ENOX1: variants seen among roughly 807,000 people sequenced by gnomAD.
ENOX1 encodes the protein candidate growth-related and time keeping constitutive hydroquinone (NADH) oxidase.
A neutral mutation model predicts 82.5 loss-of-function variants in ENOX1; 42 were observed. That is an observed-to-expected ratio of 0.51 (90% CI 0.40 to 0.66). ENOX1 has a LOEUF of 0.66. Ranked by LOEUF, ENOX1 falls within the 30% of genes least tolerant of loss-of-function variation. The pLI is 0.00. For synonymous variants in ENOX1, 271 were observed against 282.2 expected (o/e 0.96, Z 0.40); for missense variants, 608 against 811.6 (o/e 0.75, Z 3.05).
chr13:43,579,569 C>T (rs1050340336), intron 2 of ENOX1, among the ~76,000 whole-genome samples: 167 of 152,266 alleles, frequency 1.1e-3, no homozygotes, highest in Non-Finnish European at 2.1e-4. Context: ...TCCTGTTTAT[C>T]TTTCACTATC....
chr13:43,554,314 T>G lies in ENOX1; in HGVS notation c.-218-70162A>C, dbSNP rs17064710. Among the ~76,000 whole-genome samples, 387 of 152,344 alleles carry G rather than the reference T, an allele frequency of 2.5e-3. 1 individual carries two copies. Among genetic ancestry groups the G allele is most frequent in the African/African-American group, 8.9e-3 (372 of 41,590 alleles). On this transcript the variant is annotated intron_variant, in intron 2 of 16. Coordinates refer to ENST00000690772, the MANE Select transcript of ENOX1 (RefSeq NM_001347969.2). ...CCACATTAGGCACTTAACAGCAGTCTGGGCTAAAATCCTATTTCTGCCTAC... is the reference window on the plus strand; with the variant it reads ...CCACATTAGGCACTTAACAGCAGTCGGGGCTAAAATCCTATTTCTGCCTAC...
chr13:43,252,345 C>T (rs748034367), intron 14 of ENOX1, among the ~76,000 whole-genome samples: 6 of 152,248 alleles, frequency 3.9e-5, no homozygotes, highest in East Asian at 1.9e-4. Flanking sequence ...CCAAGCCTGG[C>T]GGAATGTCTT....
intron 2 of ENOX1, among the ~76,000 whole-genome samples, chr13:43,540,129 C>T (rs1400663755): frequency 2.0e-5 from 3 of 152,154 alleles, no homozygotes; most frequent in Non-Finnish European, 4.4e-5. Flanking sequence ...TGAAACATTA[C>T]ATCTATTGAC....
intron 1 of ENOX1, among the ~76,000 whole-genome samples, chr13:43,708,262 C>A (rs1037725277): frequency 1.1e-4 from 17 of 152,176 alleles, no homozygotes; most frequent in African/African-American, 4.1e-4. Context: ...GGGCATGCAG[C>A]CCCTCCCAAG....
intron 5 of ENOX1, among the ~76,000 whole-genome samples, chr13:43,375,982 G>A (rs548450812): frequency 2.1e-4 from 32 of 152,310 alleles, no homozygotes; most frequent in African/African-American, 7.0e-4. Flanking sequence ...GGTTATAAAG[G>A]ATAAATCTGT....
At chr13:43,275,701 T>C (rs1269463151) in intron 12 of ENOX1, among the ~76,000 whole-genome samples, 2 of 152,206 alleles carry the variant, frequency 1.3e-5, no homozygotes, top group African/African-American at 2.4e-5. Flanking sequence ...ATTCATTCCT[T>C]TAGTCAACAC....
At chr13:43,308,918 A>T (rs781391805) in intron 11 of ENOX1, among the ~76,000 whole-genome samples, 1 of 152,136 alleles carries the variant, frequency 6.6e-6, no homozygotes, top group Non-Finnish European at 1.5e-5. Context: ...GCCTCATGTC[A>T]TTGCTGAGAA....
At position 43,230,200 on chromosome 13, in the gene ENOX1, G is replaced by A. The variant is rs369962381; in HGVS notation, c.1715-6062C>T. On this transcript the variant is annotated intron_variant, in intron 15 of 16. Coordinates refer to ENST00000690772, the MANE Select transcript of ENOX1 (RefSeq NM_001347969.2). ...TTTCCAGATGTGAGTAGTCAACCACGTAAAGTAGCTGCCAGGTAGAGGGAG... is the reference window on the plus strand; with the variant it reads ...TTTCCAGATGTGAGTAGTCAACCACATAAAGTAGCTGCCAGGTAGAGGGAG... Among the ~76,000 whole-genome samples the A allele has an allele frequency of 1.5e-4, 23 of 152,288 alleles. No individual in the cohort carries two copies. In the East Asian group the frequency reaches 1.5e-3, roughly 10 times the overall value.
chr13:43,595,751 T>C (rs2081441691), intron 2 of ENOX1, among the ~76,000 whole-genome samples: 1 of 152,208 alleles, frequency 6.6e-6, no homozygotes, highest in Non-Finnish European at 1.5e-5. Context: ...ACAATTTCAC[T>C]TACTAAAAGA....
chr13:43,248,844 CAT>C (rs1452937506), intron 14 of ENOX1, among the ~76,000 whole-genome samples: 2 of 152,060 alleles, frequency 1.3e-5, no homozygotes, highest in African/African-American at 2.4e-5. Flanking sequence ...ATACATATAA[CAT>C]ATATATGTGT....
chr13:43,417,665 T>C (rs1463983865), intron 3 of ENOX1, among the ~76,000 whole-genome samples: 1 of 152,192 alleles, frequency 6.6e-6, no homozygotes, highest in Non-Finnish European at 1.5e-5. Context: ...CACAGAGATG[T>C]GGGGAGTTAA....
chr13:43,480,249 C>T (rs2058458271), intron 3 of ENOX1, among the ~76,000 whole-genome samples: 1 of 152,138 alleles, frequency 6.6e-6, no homozygotes, highest in South Asian at 2.1e-4. Context: ...GGTTACTAAA[C>T]ATTCTAAACA....
chr13:43,710,443 G>A (rs759492147), intron 1 of ENOX1, among the ~76,000 whole-genome samples: 1 of 152,142 alleles, frequency 6.6e-6, no homozygotes, highest in Non-Finnish European at 1.5e-5. Flanking sequence ...TACTAAGAAT[G>A]AGGGTAACTT....
intron 2 of ENOX1, among the ~76,000 whole-genome samples, chr13:43,580,061 C>A (rs999750522): frequency 1.3e-5 from 2 of 152,040 alleles, no homozygotes; most frequent in African/African-American, 4.8e-5. Flanking sequence ...AGAAGAGAGA[C>A]CTGAAAAATC....
At chr13:43,727,347 A>C (rs2089048227) in intron 1 of ENOX1, among the ~76,000 whole-genome samples, 2 of 152,206 alleles carry the variant, frequency 1.3e-5, no homozygotes, top group East Asian at 1.9e-4. Flanking sequence ...CTTTGCAAGG[A>C]TACCCCAAGT....
At chr13:43,606,739 G>A (rs2081989752) in intron 2 of ENOX1, among the ~76,000 whole-genome samples, 1 of 152,092 alleles carries the variant, frequency 6.6e-6, no homozygotes, top group South Asian at 2.1e-4. Flanking sequence ...TTGATGGCAG[G>A]GCATGGTGGC....
chr13:43,735,080 G>A (rs1438464810), intron 1 of ENOX1, among the ~76,000 whole-genome samples: 1 of 152,084 alleles, frequency 6.6e-6, no homozygotes, highest in Non-Finnish European at 1.5e-5. Context: ...TGTTTTGTTT[G>A]AAAGAAAAAC....
chr13:43,551,629 T>C (rs1252697429), intron 2 of ENOX1, among the ~76,000 whole-genome samples: 1 of 152,246 alleles, frequency 6.6e-6, no homozygotes, highest in African/African-American at 2.4e-5. Context: ...TTATTACATT[T>C]GATAATACGA....
rs933113178 is a variant in ENOX1, at chr13:43,440,101, G to A, written c.-74-27113C>T. On this transcript the variant is annotated intron_variant, in intron 3 of 16. Transcript: ENST00000690772. ...AAAATAGGGAATAAATATCTAAAAG[G>A]GTGAATTAGGCACAGAGGTGTAGCC... Among the ~76,000 whole-genome samples, 4 of 152,108 alleles carry A rather than the reference G, an allele frequency of 2.6e-5. No individual in the cohort carries two copies. In the East Asian group the frequency reaches 5.8e-4, roughly 22 times the overall value.
Sources: gnomAD v4.1 joint callset for allele counts (sites outside exome capture counted in the v4.1 genomes callset) on GRCh38, gnomAD v4.1.1 for gene constraint, MANE v1.5 for transcripts, NCBI Gene and HGNC (gene_info 2026-07-23, HGNC 2026-07-21) for gene names.